The following E2F1 variants were observed in gnomAD, a reference collection of about 807,000 sequenced individuals.
E2F1 encodes E2F transcription factor 1.
A neutral mutation model predicts 36.9 loss-of-function variants in E2F1; 7 were observed. The ratio of observed to expected loss-of-function variants is 0.19; its 90% confidence interval spans 0.11 to 0.36. The LOEUF is 0.36. E2F1 is among the 10% of genes least tolerant of loss of function. The pLI, the probability that E2F1 is intolerant of heterozygous loss-of-function variation, is 1.00. For missense variants in E2F1, 406 were observed against 573.6 expected, an observed-to-expected ratio of 0.71 and a Z score of 2.99; for synonymous variants, 261 against 263.1, an observed-to-expected ratio of 0.99 and a Z score of 0.08.
At position 33,680,340 on chromosome 20, in the gene E2F1, C is replaced by T. The variant is rs768373441; in HGVS notation, c.338G>A (p.Arg113His). ...ESSGPARGRG[R>H]HPGKGVKSPG... ...TCCATAGGTACCTTTTCCTGGATGG[C>T]GGCCTCTGCCCCGAGCTGGCCCACT... Residue 113 changes from arginine to histidine, a missense_variant, in exon 2 of 7, where the codon CGC becomes CAC. Physicochemically the swap from Arg to His is conservative, Grantham distance 29. Transcript: ENST00000343380. The T allele has an allele frequency of 1.8e-5, 29 of 1,614,044 alleles. No homozygotes were observed. In the East Asian group the frequency reaches 4.2e-4, roughly 24 times the overall value.
At position 33,676,634 on chromosome 20, in the gene E2F1, G is replaced by A; in HGVS notation, c.*98C>T. On this transcript the variant is annotated 3_prime_UTR_variant, in exon 7 of 7. Transcript: ENST00000343380. Reference sequence around the variant, plus strand: ...CAGAGGAGAGGGGTATAAATTAAATGTTTCCAAACAGGCTGGGAGGACGGC... The same window carrying A: ...CAGAGGAGAGGGGTATAAATTAAATATTTCCAAACAGGCTGGGAGGACGGC... The A allele has an allele frequency of 6.8e-7, 1 of 1,475,326 alleles. No homozygotes were observed. 91.4% of individuals were successfully genotyped at this position (1,475,326 alleles called of 1,614,324 possible).
chr20:33,678,055 GTGTCACAACAGTGAGAAAAT>G (rs2017981817), intron 4 of E2F1, 126 bp downstream of exon 4: 1 of 864,432 alleles, frequency 1.2e-6, no homozygotes, highest in African/African-American at 1.7e-5. Context: ...AATTTATCCA[GTGTCACAACAGTGAGAAAAT>G]GCTGAGCCAG....
At chr20:33,682,299 A>G (rs1255429311) in intron 1 of E2F1, among the ~76,000 whole-genome samples, 1 of 152,070 alleles carries the variant, frequency 6.6e-6, no homozygotes, top group Non-Finnish European at 1.5e-5. Flanking sequence ...GGGAAAGAAG[A>G]GCTGTTGTGC....
intron 1 of E2F1, among the ~76,000 whole-genome samples, chr20:33,681,067 A>C (rs2018013322): frequency 6.6e-6 from 1 of 152,104 alleles, no homozygotes; most frequent in Non-Finnish European, 1.5e-5. Context: ...TAGACAGGGT[A>C]TCGCTCTGTT....
intron 1 of E2F1, 69 bp from the exon 2 acceptor site, chr20:33,680,485 G>A: frequency 1.4e-6 from 2 of 1,435,670 alleles, no homozygotes; most frequent in South Asian, 1.2e-5. Context: ...TTAAGGCTGG[G>A]TGCCTCTGGG....
intron 1 of E2F1, among the ~76,000 whole-genome samples, chr20:33,683,976 CAG>C (rs1052042276): frequency 3.9e-5 from 6 of 152,288 alleles, no homozygotes; most frequent in South Asian, 2.1e-4. Context: ...AATGCCAGTG[CAG>C]AGAGGCCAAA....
chr20:33,681,496 G>A lies in E2F1; in HGVS notation c.262-1080C>T, dbSNP rs3213164. ...TGTATAAAAATGGCCCCATTTTCCA[G>A]ATAAGGCAACTAAAGCCCAGGGAGG... On this transcript the variant is annotated intron_variant, in intron 1 of 6. Transcript: ENST00000343380. Among the ~76,000 whole-genome samples the A allele has an allele frequency of 4.2e-3, 639 of 152,230 alleles. 6 individuals carry two copies. The highest frequency in any genetic ancestry group is 0.034 in the South Asian group (165 of 4,822).
intron 1 of E2F1, among the ~76,000 whole-genome samples, chr20:33,682,067 T>C (rs2018023393): frequency 6.7e-6 from 1 of 148,668 alleles, no homozygotes; most frequent in African/African-American, 2.5e-5. Flanking sequence ...TCACCTCTTC[T>C]CCCTCTGAAC....
Position 33,686,334 on chromosome 20 carries a change from G to C in E2F1, c.-70C>G. ...GCGCGGGCCCATGGCGGCAGGCCTC[G>C]GCGAGGGCTCGATCCCGCTCCGCCC... On this transcript the variant is annotated 5_prime_UTR_variant, in exon 1 of 7. Coordinates refer to ENST00000343380, the MANE Select transcript of E2F1 (RefSeq NM_005225.3). The C allele has an allele frequency of 1.0e-6, 1 of 990,392 alleles. No individual in the cohort carries two copies. Among genetic ancestry groups the C allele is most frequent in the Non-Finnish European group, 1.2e-6 (1 of 833,000 alleles). The allele number at this position is 990,392 out of a possible 1,614,324, so 61.4% of individuals were successfully genotyped here.
Position 33,675,833 on chromosome 20 carries a change from A to G in E2F1, c.*899T>C. 1.7e-5 allele frequency: 3 copies of G among 181,706 alleles called. No homozygotes were observed. The highest frequency in any genetic ancestry group is 3.5e-5 in the Non-Finnish European group (3 of 86,670). The allele number at this position is 181,706 out of a possible 1,614,324, so 11.3% of individuals were successfully genotyped here. A position where few individuals can be genotyped will look rare whatever the true frequency, so the allele number is the denominator to read the frequency against. On this transcript the variant is annotated 3_prime_UTR_variant, in exon 7 of 7. Coordinates refer to ENST00000343380, the MANE Select transcript of E2F1 (RefSeq NM_005225.3). ...GGGACCACAGGGTCTGGGCTGGGGG[A>G]GGCCTTCACCACCCCTCCTGCCCAC...
rs760692854 is a variant in E2F1 at position 33,676,871 on chromosome 20, G to T, written c.1175C>A (p.Ser392Tyr). ...GATGAACTCCTCAGGGAGGAGGCCGGAGAAGTCCTCCCGCACATGCTCCAG... is the reference window on the plus strand; with the variant it reads ...GATGAACTCCTCAGGGAGGAGGCCGTAGAAGTCCTCCCGCACATGCTCCAG... ...SLLEHVREDF[S>Y]GLLPEEFISL... Residue 392 changes from serine to tyrosine, a missense_variant, in exon 7 of 7, where the codon TCC becomes TAC. By Grantham distance (144) the Ser-to-Tyr change is moderately radical. Transcript: ENST00000343380. 35 of 1,582,276 alleles carry T rather than the reference G, an allele frequency of 2.2e-5. No individual in the cohort carries two copies. The highest frequency in any genetic ancestry group is 3.0e-5 in the Non-Finnish European group (35 of 1,163,138).
chr20:33,684,746 C>T (rs1255620863), intron 1 of E2F1, among the ~76,000 whole-genome samples: 2 of 152,204 alleles, frequency 1.3e-5, no homozygotes, highest in East Asian at 1.9e-4. Flanking sequence ...CAGCACTGGG[C>T]ATGGGGCCAA....
At chr20:33,683,772 C>CA (rs892718749) in intron 1 of E2F1, among the ~76,000 whole-genome samples, 26 of 142,710 alleles carry the variant, frequency 1.8e-4, no homozygotes, top group Admixed American at 6.4e-4. Context: ...ACCCTGTCTC[C>CA]AAAAAAAAAA....
In E2F1 at chr20:33,679,609, T is replaced by C; in HGVS notation, c.572+146A>G. ...AGATTTGTGTGCTTTTTACCATCTATCATCTCAGGGAAGCTACCTCTCCTC... is the reference window on the plus strand; with the variant it reads ...AGATTTGTGTGCTTTTTACCATCTACCATCTCAGGGAAGCTACCTCTCCTC... On this transcript the variant is annotated intron_variant, in intron 3 of 6. Transcript: ENST00000343380. This position sits in a 1 kb window ranked among gnomAD's most constrained non-coding sequence, Gnocchi z 4.6. 1 of 699,586 alleles carries C rather than the reference T, an allele frequency of 1.4e-6. No individual in the cohort carries two copies. Among genetic ancestry groups the C allele is most frequent in the Non-Finnish European group, 2.5e-6 (1 of 397,386 alleles). The allele number at this position is 699,586 out of a possible 1,614,324, so 43.3% of individuals were successfully genotyped here.
chr20:33,680,224 G>A (rs2018005225), intron 2 of E2F1, 102 bp downstream of exon 2: 7 of 1,326,922 alleles, frequency 5.3e-6, no homozygotes. Context: ...CCTGGCTCAA[G>A]CCCGACAAGC....
At position 33,679,132 on chromosome 20, in the gene E2F1, A is replaced by G. The variant is rs990357166; in HGVS notation, c.572+623T>C. On this transcript the variant is annotated intron_variant, in intron 3 of 6. Transcript: ENST00000343380. This position sits in a 1 kb window ranked among gnomAD's most constrained non-coding sequence, Gnocchi z 4.6. ...CACCGAGGGCATGAGAAGCCAGGAT[A>G]GTGGTGACCTGGCGGTGTGAGGGGT... Among the ~76,000 whole-genome samples, 7 of 152,262 alleles carry G rather than the reference A, an allele frequency of 4.6e-5. No individual in the cohort carries two copies. Among genetic ancestry groups the G allele is most frequent in the African/African-American group, 1.7e-4 (7 of 41,480 alleles).
intron 1 of E2F1, among the ~76,000 whole-genome samples, chr20:33,685,151 G>A (rs536937404): frequency 6.6e-6 from 1 of 152,294 alleles, no homozygotes; most frequent in East Asian, 1.9e-4. Flanking sequence ...CCTGGCACTG[G>A]GGGCCTCCTC....
rs2017973440 is a variant in E2F1 at position 33,677,215 on chromosome 20, T to A, written c.956A>T (p.Glu319Val). The A allele has an allele frequency of 6.2e-7, 1 of 1,613,990 alleles. No homozygotes were observed. Among genetic ancestry groups the A allele is most frequent in the African/African-American group, 1.3e-5 (1 of 74,896 alleles). Residue 319 changes from glutamate to valine, a missense_variant, in exon 6 of 7, where the codon GAG becomes GTG. Physicochemically the swap from Glu to Val is moderately radical, Grantham distance 121. Around this residue, in one of 5 missense-constraint regions of E2F1, gnomAD observed 163 missense variants for 181.5 expected, o/e 0.90. Transcript: ENST00000343380. ...GKTPSQEVTS[E>V]EENRATDSAT... The stretch of plus-strand genomic sequence containing the variant: ...AGAGTCAGTGGCCCTGTTCTCCTCC[T>A]CAGAAGTGACCTCCTGGGATGGGGT...
At chr20:33,677,369 G>A (rs1568908112) in intron 5 of E2F1, 39 bp from the exon 6 acceptor site, 6 of 1,610,442 alleles carry the variant, frequency 3.7e-6, no homozygotes, top group Non-Finnish European at 5.1e-6. Flanking sequence ...TGAGGCCCAG[G>A]TGACCACCAG....
Sources: allele counts gnomAD v4.1 joint callset (sites outside exome capture counted in the v4.1 genomes callset), GRCh38; gene constraint gnomAD v4.1.1; regional missense constraint gnomAD v4.1.1; non-coding constraint Gnocchi (gnomAD v3.1); transcripts MANE v1.5; gene names NCBI Gene and HGNC (gene_info 2026-07-23, HGNC 2026-07-21).